ATF6: variants seen among roughly 807,000 people sequenced by gnomAD.
ATF6 encodes cyclic AMP-dependent transcription factor ATF-6 alpha.
Under a neutral mutation model 83.6 loss-of-function variants are expected in ATF6, and 53 were observed. The ratio of observed to expected loss-of-function variants is 0.63; its 90% CI spans 0.51 to 0.80. The LOEUF (loss-of-function observed/expected upper bound fraction) is 0.80, where lower values mean the gene tolerates loss of function less well. Ranked by LOEUF, ATF6 falls within the 30% of genes least tolerant of loss-of-function variation. The pLI is 0.00. For synonymous variants in ATF6, 288 were observed against 285.8 expected (o/e 1.01, Z -0.08); for missense variants, 744 against 797.9 (o/e 0.93, Z 0.81).
In ATF6 at chr1:161,960,892, G is replaced by A. The variant is rs1689084586; in HGVS notation, c.*2238G>A. On this transcript the variant is annotated 3_prime_UTR_variant, in exon 16 of 16. Transcript: ENST00000367942. ...ACACCAGAGGCTGTGACCATGGCTA[G>A]TAGACAGTGGCAACATAGTCATCCC... The A allele has an allele frequency of 6.6e-6, 1 of 152,208 alleles. No homozygotes were observed. Among genetic ancestry groups the A allele is most frequent in the African/African-American group, 2.4e-5 (1 of 41,452 alleles). The allele number at this position is 152,208 out of a possible 1,614,324, so 9.4% of individuals were successfully genotyped here.
chr1:161,919,389 C>T (rs187028283), intron 15 of ATF6, among the ~76,000 whole-genome samples: 1 of 152,270 alleles, frequency 6.6e-6, no homozygotes, highest in Non-Finnish European at 1.5e-5. Flanking sequence ...TGTAAGCTAA[C>T]ATTTCCTGCT....
intron 15 of ATF6, among the ~76,000 whole-genome samples, chr1:161,940,124 A>C (rs1688615112): frequency 6.6e-6 from 1 of 152,180 alleles, no homozygotes; most frequent in South Asian, 2.1e-4. Context: ...CCAGGTGCTC[A>C]TGCCAGAAAC....
chr1:161,954,742 T>G (rs976724728), intron 15 of ATF6, among the ~76,000 whole-genome samples: 3 of 152,192 alleles, frequency 2.0e-5, no homozygotes, highest in Admixed American at 1.3e-4. Context: ...AGAATCATAG[T>G]TTAGTGCTCA....
At chr1:161,942,631 A>C (rs189625148) in intron 15 of ATF6, among the ~76,000 whole-genome samples, 1 of 152,208 alleles carries the variant, frequency 6.6e-6, no homozygotes, top group African/African-American at 2.4e-5. Flanking sequence ...CACAAACATC[A>C]TCATATTTAA....
Position 161,937,658 on chromosome 1 carries a change from CAT to C in ATF6, c.1805-20787_1805-20786del, listed in dbSNP as rs536056784. On this transcript the variant is annotated intron_variant, in intron 15 of 15. Coordinates refer to ENST00000367942, the MANE Select transcript of ATF6 (RefSeq NM_007348.4). The stretch of plus-strand genomic sequence containing the variant: ...CCCAGGAACAGAAAACCGAACACTG[CAT>C]GTTCTCACTCATAAGTGGGAGTTGA... 1.2e-4 allele frequency among the ~76,000 whole-genome samples: 18 copies of C among 150,610 alleles called. No individual in the cohort carries two copies. The East Asian group carries it at 2.6e-3, about 21-fold the overall frequency.
intron 9 of ATF6, among the ~76,000 whole-genome samples, chr1:161,844,761 T>C (rs1686442608): frequency 6.6e-6 from 1 of 152,132 alleles, no homozygotes; most frequent in Admixed American, 6.6e-5. Flanking sequence ...AAATAAAATT[T>C]CTTAGTTGTC....
intron 12 of ATF6, among the ~76,000 whole-genome samples, chr1:161,855,792 AAG>A (rs1686744287): frequency 6.6e-6 from 1 of 152,244 alleles, no homozygotes. Flanking sequence ...TAAGAGAGCT[AAG>A]AGATGCTGAT....
In ATF6 at chr1:161,774,406, TACACACAC is replaced by T. The variant is rs60069049; in HGVS notation, c.83-3814_83-3807del. ...GAGAAGTAGTTGGATTATGGATATG[TACACACAC>T]ACACACACACACACACACACACATA... On this transcript the variant is annotated intron_variant, in intron 1 of 15. Transcript: ENST00000367942. Among the ~76,000 whole-genome samples, 107 of 148,502 alleles carry T rather than the reference TACACACAC, an allele frequency of 7.2e-4. 1 individual carries two copies. The highest frequency in any genetic ancestry group is 1.6e-3 in the Admixed American group (24 of 14,902).
intron 4 of ATF6, among the ~76,000 whole-genome samples, chr1:161,785,210 G>A (rs1270548979): frequency 6.6e-6 from 1 of 152,164 alleles, no homozygotes; most frequent in Admixed American, 6.5e-5. Flanking sequence ...GATTGCTGCT[G>A]TTACAGTTCT....
intron 9 of ATF6, among the ~76,000 whole-genome samples, chr1:161,838,435 A>T (rs1686274810): frequency 6.6e-6 from 1 of 152,198 alleles, no homozygotes; most frequent in Admixed American, 6.5e-5. Flanking sequence ...AGAGTTCAGG[A>T]CAGACAGTTC....
chr1:161,807,865 CTTTTTTTTTTTTTTTTTT>C (rs761462420), intron 7 of ATF6, among the ~76,000 whole-genome samples: 35 of 32,348 alleles, frequency 1.1e-3, no homozygotes, highest in East Asian at 9.4e-3. Flanking sequence ...AGTTTGTCAT[CTTTTTTTTTTTTTTTTTT>C]TTTTTTTTTT....
rs181913741 is a variant in ATF6, at chr1:161,819,101, G to A, written c.910-532G>A. Among the ~76,000 whole-genome samples, 12 of 152,188 alleles carry A rather than the reference G, an allele frequency of 7.9e-5. No homozygotes were observed. In the East Asian group the frequency reaches 1.9e-3, roughly 24 times the overall value. On this transcript the variant is annotated intron_variant, in intron 7 of 15. Transcript: ENST00000367942. ...TTAACATATTCAATGAGTGAATGAG[G>A]GATTGAGAAGGACTGAATATAGTGA...
chr1:161,770,681 G>A (rs1413885578), intron 1 of ATF6, among the ~76,000 whole-genome samples: 1 of 152,190 alleles, frequency 6.6e-6, no homozygotes, highest in Admixed American at 6.5e-5. Context: ...AATTTTGGAG[G>A]ACACAGTTTA....
Position 161,783,977 on chromosome 1 carries a change from C to G in ATF6, c.248-13C>G, listed in dbSNP as rs569434506. The G allele has an allele frequency of 2.0e-5, 31 of 1,556,750 alleles. No homozygotes were observed. The South Asian group carries it at 2.8e-4, about 14-fold the overall frequency. ...TTGTCCAGTGGGTAAAACCTTTCCT[C>G]CATGTTTTCCAGTTAAAGATATTAA... On this transcript the variant is annotated splice_polypyrimidine_tract_variant and intron_variant, in intron 3 of 15. Transcript: ENST00000367942.
At chr1:161,918,365 T>C (rs1256485345) in intron 15 of ATF6, among the ~76,000 whole-genome samples, 1 of 152,174 alleles carries the variant, frequency 6.6e-6, no homozygotes, top group Non-Finnish European at 1.5e-5. Context: ...CATTGAGATT[T>C]GGACTTCAGA....
intron 9 of ATF6, among the ~76,000 whole-genome samples, chr1:161,829,749 C>G (rs1047705564): frequency 6.6e-6 from 1 of 152,156 alleles, no homozygotes; most frequent in Non-Finnish European, 1.5e-5. Context: ...TGACAAAATT[C>G]AACAGCCCTT....
intron 15 of ATF6, among the ~76,000 whole-genome samples, chr1:161,938,173 T>G (rs1688575232): frequency 2.6e-5 from 4 of 152,082 alleles, no homozygotes; most frequent in Admixed American, 2.6e-4. Context: ...CTGTCTGGAG[T>G]GCACTTTCTT....
intron 14 of ATF6, among the ~76,000 whole-genome samples, chr1:161,881,415 C>G (rs1687325113): frequency 6.6e-6 from 1 of 152,136 alleles, no homozygotes; most frequent in Non-Finnish European, 1.5e-5. Context: ...CCCTCAGTTC[C>G]TGCCACATGG....
At chr1:161,924,073 T>A (rs1401400579) in intron 15 of ATF6, among the ~76,000 whole-genome samples, 1 of 152,200 alleles carries the variant, frequency 6.6e-6, no homozygotes, top group African/African-American at 2.4e-5. Context: ...CCTTGCACTT[T>A]GTCAGAAGAT....
Sources: gnomAD v4.1 joint callset for allele counts (sites outside exome capture counted in the v4.1 genomes callset) on GRCh38, gnomAD v4.1.1 for gene constraint, MANE v1.5 for transcripts, NCBI Gene and HGNC (gene_info 2026-07-23, HGNC 2026-07-21) for gene names.